The following PTPRM variants were observed in gnomAD, a reference collection of about 807,000 sequenced individuals.
The protein encoded by PTPRM is receptor-type tyrosine-protein phosphatase mu.
Under a neutral mutation model 186.7 loss-of-function variants are expected in PTPRM, and 47 were observed. The observed-to-expected ratio is 0.25, with a 90% CI of 0.20 to 0.32. PTPRM has a LOEUF of 0.32. Ranked by LOEUF, PTPRM falls within the 10% of genes least tolerant of loss-of-function variation. The pLI is 1.00. For missense variants in PTPRM, 1,494 were observed against 1,865.0 expected, an observed-to-expected ratio of 0.80 and a Z score of 3.66; for synonymous variants, 668 against 674.9, an observed-to-expected ratio of 0.99 and a Z score of 0.16.
At chr18:7,646,792 T>G (rs1276028975) in intron 1 of PTPRM, among the ~76,000 whole-genome samples, 2 of 152,178 alleles carry the variant, frequency 1.3e-5, no homozygotes, top group Admixed American at 1.3e-4. Flanking sequence ...TCCTTCATAC[T>G]GTGACAGTTA....
At chr18:8,293,455 T>C (rs531037030) in intron 19 of PTPRM, among the ~76,000 whole-genome samples, 5 of 152,258 alleles carry the variant, frequency 3.3e-5, no homozygotes, top group African/African-American at 9.6e-5. Flanking sequence ...TAGGGGCATT[T>C]TCTGTATGAG....
intron 31 of PTPRM, among the ~76,000 whole-genome samples, chr18:8,390,807 A>G (rs921664119): frequency 6.6e-6 from 1 of 152,094 alleles, no homozygotes; most frequent in African/African-American, 2.4e-5. Flanking sequence ...AGGTGCCTGT[A>G]GTCCCAGCTA....
chr18:8,017,582 CAAAAAAAA>C (rs71354586), intron 7 of PTPRM, among the ~76,000 whole-genome samples: 3 of 64,716 alleles, frequency 4.6e-5, no homozygotes, highest in African/African-American at 6.2e-5. Context: ...GACTCCTTCT[CAAAAAAAA>C]AAAAAAAAAA....
chr18:8,157,253 C>A (rs1363318742), intron 14 of PTPRM, among the ~76,000 whole-genome samples: 1 of 152,170 alleles, frequency 6.6e-6, no homozygotes, highest in African/African-American at 2.4e-5. Context: ...CAAGTTGATA[C>A]CTTTAAAGTG....
intron 14 of PTPRM, among the ~76,000 whole-genome samples, chr18:8,167,127 G>A (rs2093335247): frequency 6.6e-6 from 1 of 152,200 alleles, no homozygotes; most frequent in Non-Finnish European, 1.5e-5. Flanking sequence ...AGCTCCTTTA[G>A]CATATGAAGC....
intron 4 of PTPRM, among the ~76,000 whole-genome samples, chr18:7,908,055 T>C (rs575212398): frequency 6.6e-6 from 1 of 152,300 alleles, no homozygotes; most frequent in East Asian, 1.9e-4. Flanking sequence ...ATGTGCCTAC[T>C]GGTGCAGTGT....
chr18:8,348,355 A>C (rs2148302654), intron 23 of PTPRM, among the ~76,000 whole-genome samples: 1 of 152,348 alleles, frequency 6.6e-6, no homozygotes, highest in Admixed American at 6.5e-5. Flanking sequence ...CCTGGTGCAG[A>C]AGACATAGAT....
chr18:7,839,022 G>A (rs1311253436), intron 2 of PTPRM, among the ~76,000 whole-genome samples: 1 of 152,174 alleles, frequency 6.6e-6, no homozygotes, highest in African/African-American at 2.4e-5. Context: ...TCCTAAGTCA[G>A]CCTGTGGTGA....
chr18:7,654,021 G>A (rs1413912525), intron 1 of PTPRM, among the ~76,000 whole-genome samples: 2 of 152,144 alleles, frequency 1.3e-5, no homozygotes, highest in Admixed American at 6.5e-5. Flanking sequence ...CGACTGGTGT[G>A]AGATGGTATC....
chr18:7,942,635 C>T (rs116406542), intron 5 of PTPRM, among the ~76,000 whole-genome samples: 3,201 of 141,814 alleles, frequency 0.023, 46 homozygotes, highest in African/African-American at 0.047. Flanking sequence ...TTTCTGTGTC[C>T]TGCTTGGTGG....
chr18:7,652,830 C>A (rs149941321), intron 1 of PTPRM, among the ~76,000 whole-genome samples: 45,675 of 150,584 alleles, frequency 0.3, 11,023 homozygotes, highest in African/African-American at 0.67. Flanking sequence ...GTGCGGCACA[C>A]CAGCATGGCA....
At chr18:7,578,353 T>C (rs370208236) in intron 1 of PTPRM, among the ~76,000 whole-genome samples, 1 of 130,808 alleles carries the variant, frequency 7.6e-6, no homozygotes. Context: ...TTTTTTTTTT[T>C]GAGACGGAGT....
intron 20 of PTPRM, among the ~76,000 whole-genome samples, chr18:8,309,389 T>C (rs1197535333): frequency 1.3e-5 from 2 of 152,208 alleles, no homozygotes; most frequent in African/African-American, 4.8e-5. Context: ...CTGGGCTTTT[T>C]TTCACTTACT....
At chr18:7,782,638 C>T (rs2042912314) in intron 2 of PTPRM, among the ~76,000 whole-genome samples, 1 of 152,158 alleles carries the variant, frequency 6.6e-6, no homozygotes, top group Admixed American at 6.6e-5. Flanking sequence ...CACTTTCTGT[C>T]TCTATGAATT....
At chr18:7,612,047 G>A (rs1158686940) in intron 1 of PTPRM, among the ~76,000 whole-genome samples, 1 of 152,134 alleles carries the variant, frequency 6.6e-6, no homozygotes, top group Non-Finnish European at 1.5e-5. Flanking sequence ...ATTGACACAT[G>A]ACTGTAACTA....
chr18:8,014,370 G>C (rs140820899), intron 7 of PTPRM, among the ~76,000 whole-genome samples: 1,618 of 151,954 alleles, frequency 0.011, 16 homozygotes, highest in Non-Finnish European at 0.015. Context: ...AGGTTTTTTT[G>C]TTTGTTTTTG....
At chr18:8,083,632 A>G (rs906693551) in intron 9 of PTPRM, among the ~76,000 whole-genome samples, 3 of 151,360 alleles carry the variant, frequency 2.0e-5, no homozygotes, top group Non-Finnish European at 1.5e-5. Flanking sequence ...GCTCCATCCC[A>G]CCCTGTCCAG....
At chr18:7,984,931 A>T (rs1368828940) in intron 7 of PTPRM, among the ~76,000 whole-genome samples, 7 of 93,164 alleles carry the variant, frequency 7.5e-5, no homozygotes, top group Admixed American at 3.9e-4. Context: ...ACATATATAA[A>T]TATATACATA....
Position 7,629,678 on chromosome 18 carries a change from C to G in PTPRM, c.73+61787C>G, listed in dbSNP as rs1598573100. ...GTGTGAGCCAGAAATTGGAGGTTTT[C>G]CAGAACCACATTAAAGATTTTAAGC... On this transcript the variant is annotated intron_variant, in intron 1 of 32. Transcript: ENST00000580170. Among the ~76,000 whole-genome samples the G allele has an allele frequency of 4.6e-5, 7 of 152,196 alleles. No individual in the cohort carries two copies. In the South Asian group the frequency reaches 1.5e-3, roughly 32 times the overall value.
Sources: gnomAD v4.1 joint callset for allele counts (sites outside exome capture counted in the v4.1 genomes callset) on GRCh38, gnomAD v4.1.1 for gene constraint, MANE v1.5 for transcripts, NCBI Gene and HGNC (gene_info 2026-07-23, HGNC 2026-07-21) for gene names.